NT5DC3: variants seen among roughly 807,000 people sequenced by gnomAD.
The protein encoded by NT5DC3 is 5'-nucleotidase domain containing 3, also known as 5'-nucleotidase domain-containing protein 3.
In NT5DC3, 42 loss-of-function variants were observed where a neutral mutation model predicts 67.8. The ratio of observed to expected loss-of-function variants is 0.62; its 90% CI spans 0.48 to 0.80. The LOEUF (loss-of-function observed/expected upper bound fraction) is 0.80, where lower values mean the gene tolerates loss of function less well. Ranked by LOEUF, NT5DC3 falls within the 30% of genes least tolerant of loss-of-function variation. The pLI, the probability that NT5DC3 is intolerant of heterozygous loss-of-function variation, is 0.00. For missense variants in NT5DC3, 570 were observed against 696.4 expected, an observed-to-expected ratio of 0.82 and a Z score of 2.04; for synonymous variants, 237 against 255.6, an observed-to-expected ratio of 0.93 and a Z score of 0.69.
chr12:103,749,833 C>T, the NT5DC3 span, among the ~76,000 whole-genome samples: 1 of 67,694 alleles, frequency 1.5e-5, no homozygotes, highest in Non-Finnish European at 2.7e-5. Context: ...GAGCAAGACT[C>T]TGTCTCACAA....
At chr12:103,780,235 CAT>C (rs1885493159) in intron 13 of NT5DC3, 63 bp downstream of exon 13, 3 of 1,376,060 alleles carry the variant, frequency 2.2e-6, no homozygotes, top group Non-Finnish European at 3.1e-6. Context: ...CTGGGGAACA[CAT>C]GTGGGCTGAG....
the NT5DC3 span, among the ~76,000 whole-genome samples, chr12:103,758,873 C>G: frequency 6.6e-6 from 1 of 152,172 alleles, no homozygotes; most frequent in East Asian, 1.9e-4. Flanking sequence ...AGCAATACCT[C>G]TGCCTACCTC....
chr12:103,815,866 G>T (rs1331661376), intron 1 of NT5DC3, among the ~76,000 whole-genome samples: 2 of 152,096 alleles, frequency 1.3e-5, no homozygotes, highest in Non-Finnish European at 2.9e-5. Flanking sequence ...TCACAAAAAA[G>T]ATTTGTTTAA....
the NT5DC3 span, chr12:103,750,693 G>T: frequency 6.2e-7 from 1 of 1,613,966 alleles, no homozygotes; most frequent in Non-Finnish European, 8.5e-7. Context: ...CCATGCAGAC[G>T]CCAAATGTGT....
At chr12:103,787,608 A>C in intron 10 of NT5DC3, 81 bp from the exon 11 acceptor site, 1 of 716,208 alleles carries the variant, frequency 1.4e-6, no homozygotes, top group Non-Finnish European at 2.2e-6. Flanking sequence ...AAAACTTTTA[A>C]AAATTGTTGT....
chr12:103,769,393 C>T (rs1885132115), downstream of NT5DC3, among the ~76,000 whole-genome samples: 1 of 152,234 alleles, frequency 6.6e-6, no homozygotes, highest in Non-Finnish European at 1.5e-5. Context: ...CCCTTCCCAC[C>T]TCTTGACAAC....
chr12:103,759,278 A>T, the NT5DC3 span: 1 of 1,613,536 alleles, frequency 6.2e-7, no homozygotes. Flanking sequence ...CAACCGGTAC[A>T]AAGTCTTCTG....
the NT5DC3 span, chr12:103,755,263 A>G: frequency 1.2e-6 from 2 of 1,604,574 alleles, no homozygotes; most frequent in Non-Finnish European, 1.7e-6. Context: ...CAACACATGA[A>G]CTTGCAGCTG....
chr12:103,819,562 C>T (rs1887405313), intron 1 of NT5DC3: 1 of 152,254 alleles, frequency 6.6e-6, no homozygotes, highest in African/African-American at 2.4e-5. Context: ...GAGCAAAACT[C>T]AGTTCCAATG....
At chr12:103,797,129 A>C (rs1886354031) in intron 5 of NT5DC3, 98 bp from the exon 6 acceptor site, 1 of 1,272,882 alleles carries the variant, frequency 7.9e-7, no homozygotes. Flanking sequence ...TTCCGTGACT[A>C]AACGAGATCC....
intron 6 of NT5DC3, 55 bp downstream of exon 6, chr12:103,796,839 C>G: frequency 6.3e-7 from 1 of 1,597,254 alleles, no homozygotes. Flanking sequence ...TCTGTGACTC[C>G]CACTGAAAAG....
At position 103,809,003 on chromosome 12, in the gene NT5DC3, A is replaced by G. The variant is rs533901609; in HGVS notation, c.394-2074T>C. On this transcript the variant is annotated intron_variant, in intron 2 of 13. Transcript: ENST00000392876. ...TTTACTATTGAATAATCTGAAGATCAGGGGCAAGGAATTTGCCCAAGGTCA... is the reference window on the plus strand; with the variant it reads ...TTTACTATTGAATAATCTGAAGATCGGGGGCAAGGAATTTGCCCAAGGTCA... Among the ~76,000 whole-genome samples, 274 of 152,322 alleles carry G rather than the reference A, an allele frequency of 1.8e-3. 2 individuals carry two copies. Among genetic ancestry groups the G allele is most frequent in the African/African-American group, 6.3e-3 (263 of 41,568 alleles).
At chr12:103,749,305 C>G in the NT5DC3 span, 1 of 912,208 alleles carries the variant, frequency 1.1e-6, no homozygotes, top group Admixed American at 3.0e-5. Flanking sequence ...AGTCATTGGG[C>G]TAAATGCAAG....
intron 9 of NT5DC3, among the ~76,000 whole-genome samples, chr12:103,791,826 G>C (rs987162488): frequency 1.3e-5 from 2 of 152,202 alleles, no homozygotes; most frequent in Non-Finnish European, 2.9e-5. Flanking sequence ...CACAAGCAAG[G>C]GATCTAAGTT....
chr12:103,781,402 G>T lies in NT5DC3; in HGVS notation c.1330-1038C>A, dbSNP rs1008116329. Among the ~76,000 whole-genome samples, 5 of 152,220 alleles carry T rather than the reference G, an allele frequency of 3.3e-5. No homozygotes were observed. In the East Asian group the frequency reaches 9.6e-4, roughly 29 times the overall value. ...ACCCCAGGAATCAGAGGCCAGGGAC[G>T]CATGCCCAGAGGGGGACCCTGAGCT... On this transcript the variant is annotated intron_variant, in intron 12 of 13. Transcript: ENST00000392876.
the NT5DC3 span, chr12:103,749,140 G>C: frequency 6.2e-7 from 1 of 1,604,108 alleles, no homozygotes. Flanking sequence ...CACGCCACCT[G>C]TAAGATGACA....
At chr12:103,765,090 A>C in the NT5DC3 span, among the ~76,000 whole-genome samples, 5 of 79,040 alleles carry the variant, frequency 6.3e-5, no homozygotes, top group African/African-American at 2.2e-4. Flanking sequence ...CTGTCTCAAA[A>C]AAAAAAAAAA....
At position 103,806,304 on chromosome 12, in the gene NT5DC3, A is replaced by C. The variant is rs1188213219; in HGVS notation, c.524+18T>G. The C allele has an allele frequency of 2.0e-6, 3 of 1,532,696 alleles. No homozygotes were observed. The highest frequency in any genetic ancestry group is 2.7e-6 in the Non-Finnish European group (3 of 1,106,018). The allele number at this position is 1,532,696 out of a possible 1,614,324, so 94.9% of individuals were successfully genotyped here. A position where few individuals can be genotyped will look rare whatever the true frequency, so the allele number is the denominator to read the frequency against. ...TGGTTACTTCACGTAAATTAAATGTATCTCCTCTTACTCTTACCTGTAGAC... is the reference window on the plus strand; with the variant it reads ...TGGTTACTTCACGTAAATTAAATGTCTCTCCTCTTACTCTTACCTGTAGAC... On this transcript the variant is annotated intron_variant, in intron 4 of 13. Coordinates refer to ENST00000392876, the MANE Select transcript of NT5DC3 (RefSeq NM_001031701.3).
chr12:103,757,672 G>C, the NT5DC3 span, among the ~76,000 whole-genome samples: 2 of 152,330 alleles, frequency 1.3e-5, no homozygotes, highest in South Asian at 4.2e-4. Flanking sequence ...CAGGCAGAAG[G>C]AACAGTCCAA....
Sources: gnomAD v4.1 joint callset for allele counts (sites outside exome capture counted in the v4.1 genomes callset) on GRCh38, gnomAD v4.1.1 for gene constraint, MANE v1.5 for transcripts, NCBI Gene and HGNC (gene_info 2026-07-23, HGNC 2026-07-21) for gene names.